The following NETO2 variants were observed in gnomAD, a reference collection of about 807,000 sequenced individuals.
The protein encoded by NETO2 is neuropilin and tolloid-like protein 2.
Under a neutral mutation model 62.5 loss-of-function variants are expected in NETO2, and 28 were observed. The ratio of observed to expected loss-of-function variants is 0.45; its 90% confidence interval spans 0.33 to 0.61. The LOEUF (loss-of-function observed/expected upper bound fraction) is 0.61. Among genes scored for constraint, NETO2 ranks in the 20% least tolerant of loss-of-function variants. NETO2 has a pLI of 0.02. For missense variants in NETO2, 548 were observed against 643.2 expected (o/e 0.85, Z 1.60); for synonymous variants, 214 against 219.1 (o/e 0.98, Z 0.21).
At chr16:47,106,109 A>ACATGGATGAACCATGGAAAGATTT (rs534810335) in intron 7 of NETO2, among the ~76,000 whole-genome samples, 18 of 152,300 alleles carry the variant, frequency 1.2e-4, no homozygotes, top group East Asian at 1.2e-3. Context: ...ACATATGACC[A>ACATGGATGAACCATGGAAAGATTT]CATGGATGAA....
intron 2 of NETO2, among the ~76,000 whole-genome samples, chr16:47,131,094 C>T (rs1332590723): frequency 6.6e-6 from 1 of 150,810 alleles, no homozygotes; most frequent in African/African-American, 2.4e-5. Flanking sequence ...AAAAAGATTT[C>T]CTAAAGATAA....
At chr16:47,132,949 AT>A (rs1357999826) in intron 1 of NETO2, among the ~76,000 whole-genome samples, 2 of 152,206 alleles carry the variant, frequency 1.3e-5, no homozygotes, top group Non-Finnish European at 2.9e-5. Context: ...TAAAATGGAG[AT>A]GACGTATAAA....
intron 6 of NETO2, among the ~76,000 whole-genome samples, chr16:47,116,187 C>A (rs1963918749): frequency 6.7e-6 from 1 of 150,242 alleles, no homozygotes; most frequent in East Asian, 1.9e-4. Flanking sequence ...CTATGATGTC[C>A]AGGCTGGCCT....
At chr16:47,138,904 T>G (rs1448378355) in intron 1 of NETO2, among the ~76,000 whole-genome samples, 1 of 152,232 alleles carries the variant, frequency 6.6e-6, no homozygotes, top group African/African-American at 2.4e-5. Flanking sequence ...CACATCAAGC[T>G]AATTCTTGCC....
chr16:47,127,500 G>A (rs1004101879), intron 4 of NETO2, among the ~76,000 whole-genome samples: 2 of 152,192 alleles, frequency 1.3e-5, no homozygotes, highest in Non-Finnish European at 2.9e-5. Context: ...ATGCCATTAG[G>A]TTAAGGATCT....
intron 7 of NETO2, among the ~76,000 whole-genome samples, chr16:47,093,576 A>G (rs1322399883): frequency 1.3e-5 from 2 of 152,222 alleles, no homozygotes; most frequent in African/African-American, 4.8e-5. Context: ...AGTACCTCAC[A>G]TGACAAATGC....
chr16:47,142,487 GAA>G (rs1032031421), intron 1 of NETO2, among the ~76,000 whole-genome samples: 1 of 152,098 alleles, frequency 6.6e-6, no homozygotes, highest in Admixed American at 6.5e-5. Flanking sequence ...TAGGGAGCAG[GAA>G]AAAAGTCACT....
intron 8 of NETO2, among the ~76,000 whole-genome samples, chr16:47,084,935 G>A (rs766873281): frequency 1.7e-4 from 26 of 152,062 alleles, no homozygotes; most frequent in Non-Finnish European, 2.8e-4. Context: ...AATGTAACGC[G>A]CTTAAATCAT....
chr16:47,083,290 C>A lies in NETO2; in HGVS notation c.1509G>T (p.Glu503Asp). 1 of 1,614,184 alleles carries A rather than the reference C, an allele frequency of 6.2e-7. No homozygotes were observed. Among genetic ancestry groups the A allele is most frequent in the Non-Finnish European group, 8.5e-7 (1 of 1,180,010 alleles). Reference protein sequence around the residue: ...EQALEDRVMEEIPCEIYVRGR... With the variant: ...EQALEDRVMEDIPCEIYVRGR... ...CCCTGACATAAATTTCACAGGGAAT[C>A]TCCTCCATTACTCGGTCTTCCAGGG... The change falls in exon 9 of 9, where the codon GAG becomes GAT. Residue 503 changes from glutamate to aspartate, a missense_variant. Physicochemically the swap from Glu to Asp is conservative, Grantham distance 45. Coordinates refer to ENST00000562435, the MANE Select transcript of NETO2 (RefSeq NM_018092.5).
At chr16:47,093,233 G>T (rs888689401) in intron 7 of NETO2, among the ~76,000 whole-genome samples, 3 of 151,810 alleles carry the variant, frequency 2.0e-5, no homozygotes, top group Admixed American at 2.0e-4. Flanking sequence ...CACACTTCTT[G>T]TGGCCCACCT....
chr16:47,118,525 A>C (rs1011489439), intron 6 of NETO2, among the ~76,000 whole-genome samples: 6 of 152,240 alleles, frequency 3.9e-5, no homozygotes, highest in African/African-American at 1.4e-4. Flanking sequence ...TGATTAAGAG[A>C]GAAAAAAGCC....
In NETO2 at chr16:47,083,248, T is replaced by C. The variant is rs1262533314; in HGVS notation, c.1551A>G (p.Ala517=). The C allele has an allele frequency of 6.2e-7, 1 of 1,613,174 alleles. No homozygotes were observed. Among genetic ancestry groups the C allele is most frequent in the Middle Eastern group, 1.7e-4 (1 of 6,058 alleles). The change falls in exon 9 of 9, where the codon GCA becomes GCG. Residue 517 remains alanine (A), a synonymous_variant. Transcript: ENST00000562435. ...AGAAGTCAATGGATATGGATGCTTGTGCAGAATCTTCTCGCCCCCTGACAT... is the reference window on the plus strand; with the variant it reads ...AGAAGTCAATGGATATGGATGCTTGCGCAGAATCTTCTCGCCCCCTGACAT... ...EIYVRGREDS[A]QASISIDF is the part of the protein sequence containing the mutation.
In NETO2 at chr16:47,143,569, C is replaced by G. The variant is rs1964510916; in HGVS notation, c.34+10G>C. The G allele has an allele frequency of 8.2e-7, 1 of 1,223,418 alleles. No individual in the cohort carries two copies. The highest frequency in any genetic ancestry group is 1.0e-6 in the Non-Finnish European group (1 of 978,744). 75.8% of individuals were successfully genotyped at this position (1,223,418 alleles called of 1,614,324 possible). A position where few individuals can be genotyped will look rare whatever the true frequency, so the allele number is the denominator to read the frequency against. Reference sequence around the variant, plus strand: ...GGGGCGCCGTCCGTGGCCCCAGCCCCGGTCCTTACCTTTGAGGACCGAGCA... The same window carrying G: ...GGGGCGCCGTCCGTGGCCCCAGCCCGGGTCCTTACCTTTGAGGACCGAGCA... On this transcript the variant is annotated intron_variant, in intron 1 of 8. Coordinates refer to ENST00000562435, the MANE Select transcript of NETO2 (RefSeq NM_018092.5).
rs12917962 is a variant in NETO2 at position 47,117,662 on chromosome 16, A to C, written c.654+4995T>G. Among the ~76,000 whole-genome samples the C allele has an allele frequency of 7.1e-3, 1,082 of 152,294 alleles. 7 individuals carry two copies. The highest frequency in any genetic ancestry group is 0.013 in the Non-Finnish European group (869 of 68,028). ...TACAGTGATTATTTGTTAAAAATTCAGATTTTTCTTTTAGTTCTAAATTTT... is the reference window on the plus strand; with the variant it reads ...TACAGTGATTATTTGTTAAAAATTCCGATTTTTCTTTTAGTTCTAAATTTT... On this transcript the variant is annotated intron_variant, in intron 6 of 8. Transcript: ENST00000562435.
At position 47,082,059 on chromosome 16, in the gene NETO2, A is replaced by G. The variant is rs771925729; in HGVS notation, c.*1162T>C. ...AATAAAGTTTGTACAGTATCAAATAATATCAAAAGTCTAAAAAACACAATG... is the reference window on the plus strand; with the variant it reads ...AATAAAGTTTGTACAGTATCAAATAGTATCAAAAGTCTAAAAAACACAATG... On this transcript the variant is annotated 3_prime_UTR_variant, in exon 9 of 9. Transcript: ENST00000562435. 1.3e-5 allele frequency: 2 copies of G among 152,642 alleles called. No individual in the cohort carries two copies. Among genetic ancestry groups the G allele is most frequent in the African/African-American group, 2.4e-5 (1 of 41,466 alleles). The allele number at this position is 152,642 out of a possible 1,614,324, so 9.5% of individuals were successfully genotyped here.
chr16:47,080,155 C>A lies in NETO2; in HGVS notation c.*3066G>T, dbSNP rs1449079754. 1 of 152,204 alleles carries A rather than the reference C, an allele frequency of 6.6e-6. No individual in the cohort carries two copies. The allele number at this position is 152,204 out of a possible 1,614,324, so 9.4% of individuals were successfully genotyped here. A position where few individuals can be genotyped will look rare whatever the true frequency, so the allele number is the denominator to read the frequency against. On this transcript the variant is annotated 3_prime_UTR_variant, in exon 9 of 9. Coordinates refer to ENST00000562435, the MANE Select transcript of NETO2 (RefSeq NM_018092.5). The stretch of plus-strand genomic sequence containing the variant: ...TTTAGATTGACACTCTCCCCACACA[C>A]AAAAGGAATATCACATCTTATTCCT...
At position 47,143,569 on chromosome 16, in the gene NETO2, C is replaced by CG. The variant is rs1432605149; in HGVS notation, c.34+9dup. On this transcript the variant is annotated intron_variant, in intron 1 of 8. Coordinates refer to ENST00000562435, the MANE Select transcript of NETO2 (RefSeq NM_018092.5). ...GGGGCGCCGTCCGTGGCCCCAGCCCCGGTCCTTACCTTTGAGGACCGAGCA... is the reference window on the plus strand; with the variant it reads ...GGGGCGCCGTCCGTGGCCCCAGCCCCGGGTCCTTACCTTTGAGGACCGAGCA... 4.9e-6 allele frequency: 6 copies of CG among 1,223,310 alleles called. No homozygotes were observed. The highest frequency in any genetic ancestry group is 1.0e-6 in the Non-Finnish European group (1 of 978,754). The allele number at this position is 1,223,310 out of a possible 1,614,324, so 75.8% of individuals were successfully genotyped here. A position where few individuals can be genotyped will look rare whatever the true frequency, so the allele number is the denominator to read the frequency against.
intron 4 of NETO2, among the ~76,000 whole-genome samples, chr16:47,124,715 C>G (rs1407802742): frequency 1.3e-5 from 2 of 152,162 alleles, no homozygotes; most frequent in African/African-American, 4.8e-5. Context: ...TAGTGAAATG[C>G]AATCTAGTCC....
intron 7 of NETO2, among the ~76,000 whole-genome samples, chr16:47,088,240 G>A (rs1175467878): frequency 2.0e-5 from 3 of 152,030 alleles, no homozygotes; most frequent in Non-Finnish European, 4.4e-5. Context: ...CGAGTAGCTG[G>A]GACTACAGGC....
Sources: gnomAD v4.1 joint callset for allele counts (sites outside exome capture counted in the v4.1 genomes callset) on GRCh38, gnomAD v4.1.1 for gene constraint, MANE v1.5 for transcripts, NCBI Gene and HGNC (gene_info 2026-07-23, HGNC 2026-07-21) for gene names.